The following COL6A5 variants were observed in gnomAD, a reference collection of about 807,000 sequenced individuals.
The protein encoded by COL6A5 is collagen alpha-5(VI) chain.
Under a neutral mutation model 65.6 loss-of-function variants are expected in COL6A5, and 48 were observed. The ratio of observed to expected loss-of-function variants is 0.73; its 90% confidence interval spans 0.58 to 0.93. COL6A5 has a LOEUF of 0.93. Ranked by LOEUF, COL6A5 falls within the 40% of genes least tolerant of loss-of-function variation. The probability of loss-of-function intolerance (pLI) is 0.00; values close to 1 mark genes in which losing one functional copy is unlikely to be tolerated. For missense variants in COL6A5, 914 were observed against 928.3 expected, an observed-to-expected ratio of 0.98 and a Z score of 0.20; for synonymous variants, 291 against 322.8, an observed-to-expected ratio of 0.90 and a Z score of 1.05.
At chr3:130,459,373 C>T (rs552756990) in intron 5 of COL6A5, among the ~76,000 whole-genome samples, 90 of 152,132 alleles carry the variant, frequency 5.9e-4, no homozygotes, top group South Asian at 4.2e-4. Flanking sequence ...TTGAATTAAT[C>T]GTAAGATAAT....
At chr3:130,419,900 A>AG (rs1937475762) in intron 25 of COL6A5, among the ~76,000 whole-genome samples, 1 of 152,144 alleles carries the variant, frequency 6.6e-6, no homozygotes, top group African/African-American at 2.4e-5. Context: ...CAACAAAAAA[A>AG]GAAAAAAATA....
At chr3:130,354,355 A>C (rs1934842026) in intron 1 of COL6A5, among the ~76,000 whole-genome samples, 1 of 152,180 alleles carries the variant, frequency 6.6e-6, no homozygotes. Flanking sequence ...GGCTTGTGTT[A>C]TATTTCTATT....
rs560613652 is a variant in COL6A5 at position 130,451,523 on chromosome 3, G to A, written c.1333-3932G>A. 1.8e-4 allele frequency among the ~76,000 whole-genome samples: 28 copies of A among 152,192 alleles called. No individual in the cohort carries two copies. In the South Asian group the frequency reaches 5.4e-3, roughly 29 times the overall value. On this transcript the variant is annotated intron_variant, in intron 4 of 7. Transcript: ENST00000512836. Reference sequence around the variant, plus strand: ...GGGTGAGGAGCTGAAGTGGATGGGGGAGGGCCTGCAGAATTATAGGTAAAT... The same window carrying A: ...GGGTGAGGAGCTGAAGTGGATGGGGAAGGGCCTGCAGAATTATAGGTAAAT...
chr3:130,431,602 C>A (rs1267249384), exon 1 of COL6A5: 29 of 1,551,430 alleles, frequency 1.9e-5, no homozygotes, highest in Non-Finnish European at 2.5e-5. Flanking sequence ...AAATAACTGT[C>A]CTGTGGGAGC....
At chr3:130,381,274 C>T (rs149542553) in intron 4 of COL6A5, among the ~76,000 whole-genome samples, 2 of 152,174 alleles carry the variant, frequency 1.3e-5, no homozygotes, top group Non-Finnish European at 2.9e-5. Context: ...TCTGCCTTAC[C>T]CACTTTTTCA....
intron 25 of COL6A5, among the ~76,000 whole-genome samples, chr3:130,420,098 T>G (rs1325660990): frequency 6.6e-6 from 1 of 151,698 alleles, no homozygotes; most frequent in Non-Finnish European, 1.5e-5. Flanking sequence ...AAGTATCTTT[T>G]TATGTGATCT....
intron 6 of COL6A5, among the ~76,000 whole-genome samples, chr3:130,390,813 G>A (rs915875544): frequency 6.6e-6 from 1 of 152,148 alleles, no homozygotes; most frequent in Admixed American, 6.5e-5. Context: ...AGTATATCTC[G>A]CCATTACATT....
chr3:130,418,747 C>T (rs1427979196), intron 24 of COL6A5, 122 bp from the exon 25 acceptor site: 1 of 739,766 alleles, frequency 1.4e-6, no homozygotes, highest in South Asian at 1.5e-5. Flanking sequence ...CACTCATCCC[C>T]TTAGTGAGCA....
chr3:130,390,752 T>C (rs1443632562), intron 6 of COL6A5, among the ~76,000 whole-genome samples: 8 of 152,228 alleles, frequency 5.3e-5, no homozygotes, highest in Admixed American at 3.3e-4. Context: ...TACCAACTTA[T>C]ACAGTGAGCT....
At chr3:130,389,369 A>G (rs1414139754) in intron 6 of COL6A5, among the ~76,000 whole-genome samples, 1 of 152,080 alleles carries the variant, frequency 6.6e-6, no homozygotes, top group Non-Finnish European at 1.5e-5. Flanking sequence ...ATGTTCCAAA[A>G]AGATCCCAGA....
At chr3:130,366,911 C>T (rs867775079) in intron 1 of COL6A5, among the ~76,000 whole-genome samples, 6 of 152,156 alleles carry the variant, frequency 3.9e-5, no homozygotes, top group South Asian at 2.1e-4. Context: ...AAATAACCCC[C>T]ATAGTTGTTA....
intron 8 of COL6A5, among the ~76,000 whole-genome samples, 190 bp from the exon 9 acceptor site, chr3:130,397,366 ATATATGTGATATACACATATATATGTG>A (rs1936638179): frequency 6.6e-6 from 1 of 151,724 alleles, no homozygotes; most frequent in African/African-American, 2.4e-5. Context: ...GGTATCACAT[ATATATGTGATATACACATATATATGTG>A]TATATGTATA....
chr3:130,347,853 A>G (rs1934553789), intron 1 of COL6A5, among the ~76,000 whole-genome samples: 1 of 152,172 alleles, frequency 6.6e-6, no homozygotes, highest in South Asian at 2.1e-4. Flanking sequence ...GTACACACTG[A>G]GCAAGTGGAA....
intron 1 of COL6A5, among the ~76,000 whole-genome samples, chr3:130,437,856 C>T (rs1369068147): frequency 6.6e-6 from 1 of 152,088 alleles, no homozygotes; most frequent in Non-Finnish European, 1.5e-5. Context: ...CTCAGATTTT[C>T]CCATCCCTAT....
intron 4 of COL6A5, among the ~76,000 whole-genome samples, chr3:130,448,721 A>G (rs760930632): frequency 6.6e-6 from 1 of 152,170 alleles, no homozygotes; most frequent in Non-Finnish European, 1.5e-5. Flanking sequence ...GAACTGGTGA[A>G]AGCACTTGTC....
chr3:130,395,237 A>C (rs1432738181), exon 8 of COL6A5: 1 of 1,551,570 alleles, frequency 6.4e-7, no homozygotes. Context: ...TTTGGTTGTT[A>C]TCACATCTGG....
At chr3:130,409,892 AT>A in intron 18 of COL6A5, 116 bp from the exon 19 acceptor site, 3 of 596,092 alleles carry the variant, frequency 5.0e-6, no homozygotes, top group African/African-American at 1.9e-5. Context: ...ATATGAAAAA[AT>A]TTCTCACACC....
intron 24 of COL6A5, among the ~76,000 whole-genome samples, chr3:130,417,233 C>G (rs1937371244): frequency 6.6e-6 from 1 of 152,100 alleles, no homozygotes; most frequent in Admixed American, 6.6e-5. Context: ...TGGCTTCCAG[C>G]TTCATCCATG....
exon 6 of COL6A5, chr3:130,389,068 G>T: frequency 2.7e-6 from 4 of 1,485,550 alleles, no homozygotes; most frequent in Non-Finnish European, 3.6e-6. Context: ...AGTTTTTCAT[G>T]TTGAGAACTT....
Sources: allele counts gnomAD v4.1 joint callset (sites outside exome capture counted in the v4.1 genomes callset), GRCh38; gene constraint gnomAD v4.1.1; transcripts MANE v1.5; gene names NCBI Gene and HGNC (gene_info 2026-07-23, HGNC 2026-07-21).